ZC2HC1A: variants seen among roughly 807,000 people sequenced by gnomAD.
ZC2HC1A encodes zinc finger C2HC domain-containing protein 1A.
In ZC2HC1A, 28 loss-of-function variants were observed where a neutral mutation model predicts 40.7. The ratio of observed to expected loss-of-function variants is 0.69; its 90% confidence interval spans 0.51 to 0.94. ZC2HC1A has a LOEUF of 0.94. Ranked by LOEUF, ZC2HC1A falls within the 40% of genes least tolerant of loss-of-function variation. The pLI, the probability that ZC2HC1A is intolerant of heterozygous loss-of-function variation, is 0.00. For synonymous variants in ZC2HC1A, 129 were observed against 129.2 expected (o/e 1.00, Z 0.01); for missense variants, 389 against 386.3 (o/e 1.01, Z -0.06).
chr8:78,706,269 A>C (rs928050474), intron 7 of ZC2HC1A, among the ~76,000 whole-genome samples: 2 of 152,112 alleles, frequency 1.3e-5, no homozygotes, highest in Non-Finnish European at 2.9e-5. Flanking sequence ...GACTGTCTCT[A>C]CTTGGTCCTC....
chr8:78,689,430 G>A (rs1810135459), intron 5 of ZC2HC1A, 57 bp downstream of exon 5: 2 of 1,455,552 alleles, frequency 1.4e-6, no homozygotes, highest in Admixed American at 2.4e-5. Flanking sequence ...GACATTCATA[G>A]ATTATTGTTT....
At chr8:78,708,562 TA>T (rs549929700) in intron 7 of ZC2HC1A, among the ~76,000 whole-genome samples, 3 of 151,622 alleles carry the variant, frequency 2.0e-5, no homozygotes, top group Non-Finnish European at 2.9e-5. Context: ...TTTTTAAATG[TA>T]AAAAAAAGCA....
chr8:78,699,861 G>A (rs111801793), intron 7 of ZC2HC1A, among the ~76,000 whole-genome samples: 5,628 of 152,166 alleles, frequency 0.037, 318 homozygotes, highest in African/African-American at 0.13. Flanking sequence ...TCTTTATCCA[G>A]TATATCATTG....
At chr8:78,697,309 G>A (rs1810454139) in intron 5 of ZC2HC1A, 98 bp from the exon 6 acceptor site, 9 of 986,664 alleles carry the variant, frequency 9.1e-6, no homozygotes, top group Non-Finnish European at 1.2e-5. Context: ...TTGTAAGGCT[G>A]AAATCCTAAA....
chr8:78,689,490 A>C, intron 5 of ZC2HC1A, 117 bp downstream of exon 5: 1 of 839,482 alleles, frequency 1.2e-6, no homozygotes, highest in Non-Finnish European at 1.7e-6. Context: ...TTTTATAGAT[A>C]TATAGTTTTA....
chr8:78,685,048 T>C (rs1585991460), intron 3 of ZC2HC1A, among the ~76,000 whole-genome samples: 1 of 152,180 alleles, frequency 6.6e-6, no homozygotes, highest in Non-Finnish European at 1.5e-5. Context: ...AATAAAATAT[T>C]AGCCTATCAG....
intron 4 of ZC2HC1A, among the ~76,000 whole-genome samples, chr8:78,688,526 G>C (rs771551740): frequency 3.0e-4 from 46 of 152,178 alleles, no homozygotes; most frequent in Middle Eastern, 3.4e-3. Flanking sequence ...GACACTACCA[G>C]ATTTTTACAT....
At chr8:78,684,785 G>A (rs12679332) in intron 3 of ZC2HC1A, among the ~76,000 whole-genome samples, 1 of 151,980 alleles carries the variant, frequency 6.6e-6, no homozygotes, top group East Asian at 1.9e-4. Flanking sequence ...GAAATATTTA[G>A]GAATAAGCTT....
rs1563626734 is a variant in ZC2HC1A, at chr8:78,687,636, A to ATATATATTTATGTAATACAT, written c.352+1035_352+1036insTTATGTAATACATTATATAT. On this transcript the variant is annotated intron_variant, in intron 4 of 8. Coordinates refer to ENST00000263849, the MANE Select transcript of ZC2HC1A (RefSeq NM_016010.3). Reference sequence around the variant, plus strand: ...ATTATATATATTTACGTAATACATTATATATATATTTACGTAATACATTAT... The same window carrying ATATATATTTATGTAATACAT: ...ATTATATATATTTACGTAATACATTATATATATTTATGTAATACATTATATATATTTACGTAATACATTAT... Among the ~76,000 whole-genome samples, 9 of 129,986 alleles carry ATATATATTTATGTAATACAT rather than the reference A, an allele frequency of 6.9e-5. 2 individuals carry two copies. The highest frequency in any genetic ancestry group is 8.8e-5 in the Admixed American group (1 of 11,408). The allele number at this position is 129,986 out of a possible 152,430, so 85.3% of individuals were successfully genotyped here.
chr8:78,669,201 A>T (rs928114812), intron 1 of ZC2HC1A, among the ~76,000 whole-genome samples: 11 of 152,188 alleles, frequency 7.2e-5, no homozygotes, highest in Non-Finnish European at 1.6e-4. Flanking sequence ...AGATATTTTA[A>T]TAGACAGTAT....
At chr8:78,690,793 A>G (rs1383101806) in intron 5 of ZC2HC1A, among the ~76,000 whole-genome samples, 1 of 152,182 alleles carries the variant, frequency 6.6e-6, no homozygotes, top group African/African-American at 2.4e-5. Flanking sequence ...TGTATATTAT[A>G]TAGGTCATAC....
At chr8:78,676,745 T>A (rs1809592153) in intron 2 of ZC2HC1A, among the ~76,000 whole-genome samples, 1 of 152,056 alleles carries the variant, frequency 6.6e-6, no homozygotes, top group Admixed American at 6.6e-5. Flanking sequence ...AAAAACATCT[T>A]GCCCACACAT....
At chr8:78,667,959 A>ATT (rs60150136) in intron 1 of ZC2HC1A, among the ~76,000 whole-genome samples, 190 of 148,990 alleles carry the variant, frequency 1.3e-3, no homozygotes, top group Middle Eastern at 7.0e-3. Flanking sequence ...TTACTTTTAG[A>ATT]TTTTTTTTTT....
intron 7 of ZC2HC1A, among the ~76,000 whole-genome samples, chr8:78,708,961 C>T (rs906069532): frequency 1.3e-5 from 2 of 152,006 alleles, no homozygotes; most frequent in Non-Finnish European, 2.9e-5. Flanking sequence ...CCACCACGCC[C>T]GGCCAAAAGA....
At chr8:78,709,977 T>A (rs1810903815) in intron 7 of ZC2HC1A, among the ~76,000 whole-genome samples, 1 of 152,218 alleles carries the variant, frequency 6.6e-6, no homozygotes, top group African/African-American at 2.4e-5. Context: ...AGGTACCTAG[T>A]AAGCCACACT....
chr8:78,682,897 A>T (rs1809834253), intron 3 of ZC2HC1A, among the ~76,000 whole-genome samples: 1 of 152,212 alleles, frequency 6.6e-6, no homozygotes, highest in Non-Finnish European at 1.5e-5. Context: ...AATTGGAGAA[A>T]TGGGCCAAAA....
intron 4 of ZC2HC1A, among the ~76,000 whole-genome samples, chr8:78,687,175 C>CG (rs756763820): frequency 1.2e-3 from 188 of 151,822 alleles, no homozygotes; most frequent in Non-Finnish European, 8.4e-4. Flanking sequence ...ACTGAGATAC[C>CG]GAAAAACTTA....
chr8:78,715,131 A>G, intron 7 of ZC2HC1A, 90 bp from the exon 8 acceptor site: 2 of 1,116,024 alleles, frequency 1.8e-6, no homozygotes, highest in Non-Finnish European at 2.5e-6. Context: ...TGAAGCTTCT[A>G]AGTATTCTTT....
intron 5 of ZC2HC1A, 32 bp from the exon 6 acceptor site, chr8:78,697,375 T>C: frequency 6.7e-7 from 1 of 1,501,414 alleles, no homozygotes; most frequent in South Asian, 1.2e-5. Context: ...CAAAAAGTGA[T>C]GTTGATTAAT....
Sources: allele counts gnomAD v4.1 joint callset (sites outside exome capture counted in the v4.1 genomes callset), GRCh38; gene constraint gnomAD v4.1.1; transcripts MANE v1.5; gene names NCBI Gene and HGNC (gene_info 2026-07-23, HGNC 2026-07-21).